The following EDC3 variants were observed in gnomAD, a reference collection of about 807,000 sequenced individuals.
EDC3 encodes the protein enhancer of mRNA-decapping protein 3.
EDC3 carries 20 observed loss-of-function variants against 41.8 expected under a neutral mutation model. That is an observed-to-expected ratio of 0.48 (90% confidence interval 0.34 to 0.70). The LOEUF (loss-of-function observed/expected upper bound fraction) is 0.70, where lower values mean the gene tolerates loss of function less well. Among genes scored for constraint, EDC3 ranks in the 30% least tolerant of loss-of-function variants. The pLI is 0.01. For missense variants in EDC3, 444 were observed against 636.8 expected, an observed-to-expected ratio of 0.70 and a Z score of 3.26; for synonymous variants, 206 against 243.2, an observed-to-expected ratio of 0.85 and a Z score of 1.42.
In EDC3 at chr15:74,671,905, G is replaced by T; in HGVS notation, c.165-131C>A. 1 of 878,354 alleles carries T rather than the reference G, an allele frequency of 1.1e-6. No individual in the cohort carries two copies. Among genetic ancestry groups the T allele is most frequent in the Non-Finnish European group, 1.7e-6 (1 of 573,416 alleles). 54.4% of individuals were successfully genotyped at this position (878,354 alleles called of 1,614,324 possible). On this transcript the variant is annotated intron_variant, in intron 2 of 6. Transcript: ENST00000315127. The surrounding 1 kb of genome is among the most constrained non-coding windows in gnomAD (Gnocchi z 4.6). ...GAGTTATCAGAGGCTAGGAAAGGGGGCTGTGTGCTTAAGGACAGGGGTCAG... is the reference window on the plus strand; with the variant it reads ...GAGTTATCAGAGGCTAGGAAAGGGGTCTGTGTGCTTAAGGACAGGGGTCAG...
chr15:74,657,214 C>T (rs1049525797), intron 3 of EDC3, among the ~76,000 whole-genome samples: 2 of 152,232 alleles, frequency 1.3e-5, no homozygotes, highest in Non-Finnish European at 2.9e-5. Context: ...AAAAGAGCAC[C>T]ATAACACATC....
Position 74,645,998 on chromosome 15 carries a change from CAG to C in EDC3, c.821-5381_821-5380del, listed in dbSNP as rs568029867. On this transcript the variant is annotated intron_variant, in intron 4 of 6. Coordinates refer to ENST00000315127, the MANE Select transcript of EDC3 (RefSeq NM_025083.5). ...GTGAAGTGGGGAACAGCCGGGGAAA[CAG>C]AGAAAATAAAACGAGTAGAAATACA... is the stretch of plus-strand genomic sequence containing the variant. Among the ~76,000 whole-genome samples the C allele has an allele frequency of 2.8e-3, 424 of 150,744 alleles. 4 individuals are homozygous for C. Among genetic ancestry groups the C allele is most frequent in the African/African-American group, 9.3e-3 (384 of 41,200 alleles).
chr15:74,658,756 C>T lies in EDC3; in HGVS notation c.485-2688G>A, dbSNP rs143479102. On this transcript the variant is annotated intron_variant, in intron 3 of 6. Transcript: ENST00000315127. The stretch of plus-strand genomic sequence containing the variant: ...GAGATCGAGACCATCCTGGCTAACA[C>T]GGTGAAACCTTGTCTCTACTAAAAA... 6.9e-3 allele frequency among the ~76,000 whole-genome samples: 1,036 copies of T among 150,584 alleles called. 10 individuals are homozygous for T. Among genetic ancestry groups the T allele is most frequent in the South Asian group, 0.018 (86 of 4,762 alleles).
chr15:74,635,742 C>G (rs2141572138), intron 5 of EDC3, 116 bp from the exon 6 acceptor site: 3 of 976,016 alleles, frequency 3.1e-6, no homozygotes, highest in Middle Eastern at 3.1e-4. Flanking sequence ...CACTGCTCAC[C>G]AAGTCCCAGG....
intron 4 of EDC3, among the ~76,000 whole-genome samples, chr15:74,650,602 C>T (rs1313654813): frequency 4.6e-5 from 7 of 152,170 alleles, no homozygotes; most frequent in Admixed American, 6.5e-5. Flanking sequence ...ATTTTCATAA[C>T]TTAAAGGCAA....
At chr15:74,634,823 AC>A in intron 6 of EDC3, among the ~76,000 whole-genome samples, 1 of 152,136 alleles carries the variant, frequency 6.6e-6, no homozygotes, top group East Asian at 1.9e-4. Flanking sequence ...TGTGTAGTCT[AC>A]TCTCAAACAG....
At chr15:74,679,947 A>G (rs2062851587) in intron 1 of EDC3, 1 of 150,556 alleles carries the variant, frequency 6.6e-6, no homozygotes. Context: ...GTAAAAAACA[A>G]AACAATAAAC....
intron 3 of EDC3, among the ~76,000 whole-genome samples, chr15:74,657,474 C>G (rs953733079): frequency 7.9e-5 from 12 of 152,258 alleles, no homozygotes; most frequent in Admixed American, 5.2e-4. Context: ...TCGCACACTC[C>G]CTTCTGCAAG....
chr15:74,632,058 C>T lies in EDC3; in HGVS notation c.*554G>A, dbSNP rs1424367568. Reference sequence around the variant, plus strand: ...AGCTCAGGAGTAAGGGTCAAAACCCCCCAAATCAACTTGTGGGGCTAGGGG... The same window carrying T: ...AGCTCAGGAGTAAGGGTCAAAACCCTCCAAATCAACTTGTGGGGCTAGGGG... On this transcript the variant is annotated 3_prime_UTR_variant, in exon 7 of 7. Coordinates refer to ENST00000315127, the MANE Select transcript of EDC3 (RefSeq NM_025083.5). The surrounding 1 kb of genome is among the most constrained non-coding windows in gnomAD (Gnocchi z 4.0). 6.2e-6 allele frequency: 1 copy of T among 160,290 alleles called. No homozygotes were observed. Among genetic ancestry groups the T allele is most frequent in the African/African-American group, 2.4e-5 (1 of 41,490 alleles). The allele number at this position is 160,290 out of a possible 1,614,324, so 9.9% of individuals were successfully genotyped here.
chr15:74,665,426 T>A (rs1387082647), intron 3 of EDC3, among the ~76,000 whole-genome samples: 1 of 152,218 alleles, frequency 6.6e-6, no homozygotes, highest in Non-Finnish European at 1.5e-5. Flanking sequence ...GCTCATAGAC[T>A]AAGATTTCAG....
chr15:74,659,103 ACACTTATGC>A (rs1224207819), intron 3 of EDC3, among the ~76,000 whole-genome samples: 1 of 152,212 alleles, frequency 6.6e-6, no homozygotes. Flanking sequence ...CTGTGAGAGC[ACACTTATGC>A]CATAGCTAGG....
At chr15:74,663,245 G>A (rs181886867) in intron 3 of EDC3, among the ~76,000 whole-genome samples, 17 of 152,064 alleles carry the variant, frequency 1.1e-4, no homozygotes, top group African/African-American at 3.6e-4. Flanking sequence ...CCGAGATGGC[G>A]CCACTGCACT....
In EDC3 at chr15:74,671,351, A is replaced by C; in HGVS notation, c.484+104T>G. The C allele has an allele frequency of 1.5e-6, 2 of 1,291,822 alleles. No individual in the cohort carries two copies. The highest frequency in any genetic ancestry group is 2.9e-5 in the South Asian group (2 of 70,002). 80.0% of individuals were successfully genotyped at this position (1,291,822 alleles called of 1,614,324 possible). ...TTTCTGTGACGCTCAGCCAGCATCC[A>C]TTTTATTGGAATAACAAAGGATTTG... is the stretch of plus-strand genomic sequence containing the variant. On this transcript the variant is annotated intron_variant, in intron 3 of 6. Transcript: ENST00000315127. The surrounding 1 kb of genome is among the most constrained non-coding windows in gnomAD (Gnocchi z 4.6).
chr15:74,641,710 G>C (rs908207811), intron 4 of EDC3: 3 of 152,936 alleles, frequency 2.0e-5, no homozygotes, highest in Non-Finnish European at 4.4e-5. Flanking sequence ...TGTCCAGCTA[G>C]ATCAGGTACC....
chr15:74,637,328 TG>T (rs1427999302), intron 5 of EDC3: 1 of 152,202 alleles, frequency 6.6e-6, no homozygotes, highest in Admixed American at 6.5e-5. Flanking sequence ...GAGTGTGATT[TG>T]GTAAGGACAT....
intron 4 of EDC3, among the ~76,000 whole-genome samples, chr15:74,647,116 T>C (rs531577481): frequency 4.7e-4 from 72 of 152,018 alleles, no homozygotes; most frequent in African/African-American, 1.7e-3. Flanking sequence ...TTCAAGTGAT[T>C]CTCCTGCCTC....
intron 1 of EDC3, among the ~76,000 whole-genome samples, chr15:74,678,167 A>G (rs941575450): frequency 6.6e-6 from 1 of 152,198 alleles, no homozygotes; most frequent in Non-Finnish European, 1.5e-5. Context: ...ATAATGGTAG[A>G]TATGTGTCAC....
intron 1 of EDC3, 150 bp from the exon 2 acceptor site, chr15:74,675,292 T>A: frequency 3.3e-6 from 2 of 603,568 alleles, no homozygotes; most frequent in Non-Finnish European, 5.1e-6. Flanking sequence ...TTAAAAAAAT[T>A]AAAATTTTTT....
At chr15:74,677,623 G>C (rs138727408) in intron 1 of EDC3, among the ~76,000 whole-genome samples, 1 of 151,880 alleles carries the variant, frequency 6.6e-6, no homozygotes, top group Non-Finnish European at 1.5e-5. Context: ...TGTCTGCCTC[G>C]GCCTCCTAAG....
Sources: allele counts gnomAD v4.1 joint callset (sites outside exome capture counted in the v4.1 genomes callset), GRCh38; gene constraint gnomAD v4.1.1; non-coding constraint Gnocchi (gnomAD v3.1); transcripts MANE v1.5; gene names NCBI Gene and HGNC (gene_info 2026-07-23, HGNC 2026-07-21).